SENP2: variants seen among roughly 807,000 people sequenced by gnomAD.
The protein encoded by SENP2 is SUMO specific peptidase 2.
A neutral mutation model predicts 86.3 loss-of-function variants in SENP2; 16 were observed. The observed-to-expected ratio is 0.19, with a 90% CI of 0.13 to 0.28. The LOEUF is 0.28. Ranked by LOEUF, SENP2 falls within the 10% of genes least tolerant of loss-of-function variation. The probability of loss-of-function intolerance (pLI) is 1.00; values close to 1 mark genes in which losing one functional copy is unlikely to be tolerated. For missense variants in SENP2, 552 were observed against 703.0 expected (o/e 0.79, Z 2.43); for synonymous variants, 222 against 238.7 (o/e 0.93, Z 0.64).
At chr3:185,612,851 GC>G (rs1722741340) in intron 9 of SENP2, among the ~76,000 whole-genome samples, 193 bp downstream of exon 9, 1 of 152,232 alleles carries the variant, frequency 6.6e-6, no homozygotes, top group Non-Finnish European at 1.5e-5. Context: ...TGAGGGGGGT[GC>G]CCCTTATCTC....
intron 1 of SENP2, among the ~76,000 whole-genome samples, chr3:185,588,785 G>A (rs1459422761): frequency 6.6e-6 from 1 of 152,150 alleles, no homozygotes; most frequent in Non-Finnish European, 1.5e-5. Flanking sequence ...CTACTCTGGG[G>A]CCTTTTGCAG....
intron 15 of SENP2, among the ~76,000 whole-genome samples, 161 bp from the exon 16 acceptor site, chr3:185,626,137 G>T (rs1161466906): frequency 1.3e-5 from 2 of 152,194 alleles, no homozygotes; most frequent in African/African-American, 4.8e-5. Context: ...CATAGAGTAA[G>T]AATAATTGTG....
rs769183402 is a variant in SENP2 at position 185,614,690 on chromosome 3, T to G, written c.1060T>G (p.Ser354Ala). Reference sequence around the variant, plus strand: ...AATTGAGACAAAGGAAAAGAATTGCTCAGGCAAAGAGAGGGACAGAAGAAC... The same window carrying G: ...AATTGAGACAAAGGAAAAGAATTGCGCAGGCAAAGAGAGGGACAGAAGAAC... ...SIIETKEKNC[S>A]GKERDRRTDD... Residue 354 changes from serine (S) to alanine (A), a missense_variant, in exon 11 of 17, where the codon TCA (serine) becomes GCA (alanine). Physicochemically the swap from Ser to Ala is moderately conservative, Grantham distance 99 (BLOSUM62 1). Transcript: ENST00000296257. 1 of 1,614,074 alleles carries G rather than the reference T, an allele frequency of 6.2e-7. No individual in the cohort carries two copies. Among genetic ancestry groups the G allele is most frequent in the East Asian group, 2.2e-5 (1 of 44,896 alleles).
intron 16 of SENP2, among the ~76,000 whole-genome samples, chr3:185,627,534 T>C (rs2148996741): frequency 6.6e-6 from 1 of 152,312 alleles, no homozygotes. Context: ...TGCCTCAGCC[T>C]CCCCAGTAGC....
chr3:185,628,337 A>T (rs1258806489), intron 16 of SENP2, among the ~76,000 whole-genome samples: 2 of 152,204 alleles, frequency 1.3e-5, no homozygotes, highest in East Asian at 3.9e-4. Flanking sequence ...GGGTTTCACC[A>T]TATTGGCCAG....
chr3:185,590,133 G>C lies in SENP2; in HGVS notation c.121G>C (p.Asp41His). The C allele has an allele frequency of 2.6e-6, 4 of 1,546,164 alleles. No homozygotes were observed. Among genetic ancestry groups the C allele is most frequent in the Non-Finnish European group, 3.5e-6 (4 of 1,144,600 alleles). The change falls in exon 2 of 17, where the codon GAC (aspartate) becomes CAC (histidine). Residue 41 changes from aspartate to histidine, a missense_variant. Physicochemically the swap from Asp to His is moderately conservative, Grantham distance 81 (BLOSUM62 -1). This residue lies in a region of SENP2 where 383 missense variants were observed against 427.3 expected (regional missense o/e 0.90). Coordinates refer to ENST00000296257, the MANE Select transcript of SENP2 (RefSeq NM_021627.3). ...RSDSTLFSTV[D>H]TDEIPAKRPR... is the part of the protein sequence containing the mutation. ...TTTCAGCACTCTGTTTTCTACAGTG[G>C]ACACTGATGAAATACCAGCCAAAAG... is the stretch of plus-strand genomic sequence containing the variant.
rs1722506780 is a variant in SENP2, at chr3:185,606,318, TC to T, written c.450-11del. 6.3e-7 allele frequency: 1 copy of T among 1,576,238 alleles called. No homozygotes were observed. Among genetic ancestry groups the T allele is most frequent in the African/African-American group, 1.4e-5 (1 of 72,672 alleles). On this transcript the variant is annotated splice_polypyrimidine_tract_variant and intron_variant, in intron 5 of 16. Coordinates refer to ENST00000296257, the MANE Select transcript of SENP2 (RefSeq NM_021627.3). ...TGGTGATACTTTTTTTCTTTTTTTT[TC>T]TGTTGCTCAGTTTTACTTTGAACTC...
At chr3:185,587,597 CGCTCTGTCCCCCAGGCTGGAGTGCAGTG>C (rs1721830702) in intron 1 of SENP2, among the ~76,000 whole-genome samples, 1 of 66,362 alleles carries the variant, frequency 1.5e-5, no homozygotes, top group South Asian at 9.7e-4. Flanking sequence ...GAAGGAGTCT[CGCTCTGTCCCCCAGGCTGGAGTGCAGTG>C]GCGCAATCTC....
intron 1 of SENP2, among the ~76,000 whole-genome samples, chr3:185,589,883 G>A (rs1232675806): frequency 1.3e-5 from 2 of 152,028 alleles, no homozygotes; most frequent in Admixed American, 6.6e-5. Context: ...TGCCCAGGCT[G>A]ATGTCAAACT....
chr3:185,607,116 A>T (rs948378199), intron 6 of SENP2, among the ~76,000 whole-genome samples: 2 of 151,616 alleles, frequency 1.3e-5, no homozygotes, highest in Admixed American at 6.6e-5. Flanking sequence ...GTACTAAAGT[A>T]TGTACGGTAA....
At chr3:185,621,944 G>T (rs1463878481) in intron 14 of SENP2, 39 bp downstream of exon 14, 11 of 1,348,816 alleles carry the variant, frequency 8.2e-6, no homozygotes, top group Middle Eastern at 1.8e-4. Flanking sequence ...CCCTGTTGAG[G>T]TGATCTCTCT....
intron 10 of SENP2, 187 bp downstream of exon 10, chr3:185,613,595 C>T (rs953513850): frequency 1.0e-5 from 4 of 387,534 alleles, no homozygotes; most frequent in Non-Finnish European, 1.8e-5. Context: ...CTTTAGGAGG[C>T]CAAGGCAGAA....
At chr3:185,594,292 A>G (rs1010817505) in intron 2 of SENP2, among the ~76,000 whole-genome samples, 1 of 152,114 alleles carries the variant, frequency 6.6e-6, no homozygotes, top group Non-Finnish European at 1.5e-5. Context: ...TTAAATATGT[A>G]GTATGATTTT....
At chr3:185,606,159 G>A (rs1722503054) in intron 5 of SENP2, among the ~76,000 whole-genome samples, 171 bp from the exon 6 acceptor site, 1 of 152,050 alleles carries the variant, frequency 6.6e-6, no homozygotes, top group Non-Finnish European at 1.5e-5. Context: ...GGAATGCTGC[G>A]GTGCCCTGTG....
chr3:185,612,642 T>C lies in SENP2; in HGVS notation c.853T>C (p.Leu285=), dbSNP rs751855566. 6 of 1,608,884 alleles carry C rather than the reference T, an allele frequency of 3.7e-6. No individual in the cohort carries two copies. Among genetic ancestry groups the C allele is most frequent in the Middle Eastern group, 1.6e-4 (1 of 6,080 alleles). ...TGAAACAAGGGGACCTCTATGTTCATTGAGAAGTGAAAAGAGGTACGTACA... is the reference window on the plus strand; with the variant it reads ...TGAAACAAGGGGACCTCTATGTTCACTGAGAAGTGAAAAGAGGTACGTACA... The part of the protein sequence containing the change: ...LVETRGPLCS[L]RSEKRCSKGK... Residue 285 remains leucine (L), a synonymous_variant, in exon 9 of 17, where the codon TTG becomes CTG. Transcript: ENST00000296257.
chr3:185,613,885 CTTCT>C (rs957214360), intron 10 of SENP2, among the ~76,000 whole-genome samples: 1 of 150,310 alleles, frequency 6.7e-6, no homozygotes, highest in African/African-American at 2.4e-5. Context: ...TTTTTTCTTC[CTTCT>C]GAGTTGTTGG....
chr3:185,587,732 A>ATTTTTTTTTTTTTTTT (rs59565990), intron 1 of SENP2, among the ~76,000 whole-genome samples: 13 of 73,022 alleles, frequency 1.8e-4, no homozygotes, highest in East Asian at 7.2e-4. Flanking sequence ...ATGCCCGGCT[A>ATTTTTTTTTTTTTTTT]TTTTTTTTTT....
At chr3:185,606,091 G>A (rs1272887142) in intron 5 of SENP2, among the ~76,000 whole-genome samples, 2 of 152,146 alleles carry the variant, frequency 1.3e-5, no homozygotes, top group African/African-American at 4.8e-5. Flanking sequence ...GGCATGAAGA[G>A]GAAGGCAGAG....
At chr3:185,606,109 TTGTG>T (rs1429242649) in intron 5 of SENP2, among the ~76,000 whole-genome samples, 1 of 152,064 alleles carries the variant, frequency 6.6e-6, no homozygotes. Flanking sequence ...GAGACTCTCT[TTGTG>T]TGGCAGCTCT....
Sources: allele counts gnomAD v4.1 joint callset (sites outside exome capture counted in the v4.1 genomes callset), GRCh38; gene constraint gnomAD v4.1.1; regional missense constraint gnomAD v4.1.1; transcripts MANE v1.5; gene names NCBI Gene and HGNC (gene_info 2026-07-23, HGNC 2026-07-21).